TULP3: variants seen among roughly 807,000 people sequenced by gnomAD.
The protein encoded by TULP3 is TUB like protein 3.
A neutral mutation model predicts 50.7 loss-of-function variants in TULP3; 38 were observed. That is an observed-to-expected ratio of 0.75 (90% confidence interval 0.58 to 0.98). The LOEUF is 0.98. Ranked by LOEUF, TULP3 falls within the 50% of genes least tolerant of loss-of-function variation. The pLI is 0.00. For synonymous variants in TULP3, 183 were observed against 196.6 expected (o/e 0.93, Z 0.58); for missense variants, 550 against 568.0 (o/e 0.97, Z 0.32).
intron 1 of TULP3, among the ~76,000 whole-genome samples, chr12:2,894,372 C>T (rs2098174178): frequency 6.6e-6 from 1 of 151,688 alleles, no homozygotes; most frequent in Non-Finnish European, 1.5e-5. Context: ...CCTATCTCTA[C>T]TAAAAATGCA....
intron 2 of TULP3, among the ~76,000 whole-genome samples, chr12:2,913,136 G>T (rs150999306): frequency 6.6e-6 from 1 of 152,024 alleles, no homozygotes; most frequent in African/African-American, 2.4e-5. Context: ...CCATTCTAGT[G>T]GGTGTGAAGT....
intron 6 of TULP3, among the ~76,000 whole-genome samples, chr12:2,933,046 C>T (rs530203486): frequency 2.6e-5 from 4 of 151,946 alleles, no homozygotes; most frequent in African/African-American, 9.7e-5. Context: ...GGGTTCATGC[C>T]ATTCTCCTGC....
chr12:2,906,020 TA>T (rs34833376), intron 1 of TULP3, among the ~76,000 whole-genome samples: 166 of 136,176 alleles, frequency 1.2e-3, no homozygotes, highest in African/African-American at 4.4e-3. Context: ...AGACCCTGTG[TA>T]AAAAAAAAAA....
chr12:2,927,126 A>G (rs1482085811), intron 4 of TULP3, among the ~76,000 whole-genome samples: 3 of 151,804 alleles, frequency 2.0e-5, no homozygotes, highest in Non-Finnish European at 4.4e-5. Context: ...AGAATCATAC[A>G]CTATTTGTCT....
At chr12:2,901,769 A>C (rs1294589439) in intron 1 of TULP3, among the ~76,000 whole-genome samples, 1 of 152,164 alleles carries the variant, frequency 6.6e-6, no homozygotes, top group Non-Finnish European at 1.5e-5. Flanking sequence ...ATGTTTCACA[A>C]ATATTTTCCC....
chr12:2,900,798 CT>C (rs1344288240), intron 1 of TULP3, among the ~76,000 whole-genome samples: 1 of 151,526 alleles, frequency 6.6e-6, no homozygotes, highest in Non-Finnish European at 1.5e-5. Flanking sequence ...ATAGCTCAAC[CT>C]CCTGGGCTCA....
intron 1 of TULP3, among the ~76,000 whole-genome samples, chr12:2,908,119 A>G (rs557035187): frequency 2.9e-4 from 44 of 152,342 alleles, no homozygotes; most frequent in African/African-American, 9.9e-4. Context: ...AGTAAGATGC[A>G]TAGAACCTTC....
chr12:2,912,074 G>C (rs1208536345), intron 2 of TULP3, among the ~76,000 whole-genome samples: 1 of 152,094 alleles, frequency 6.6e-6, no homozygotes, highest in Non-Finnish European at 1.5e-5. Context: ...AATGCAAGCT[G>C]AGCTTTCAAA....
At chr12:2,911,651 C>T (rs1204582713) in intron 2 of TULP3, among the ~76,000 whole-genome samples, 9 of 133,736 alleles carry the variant, frequency 6.7e-5, no homozygotes, top group Middle Eastern at 4.8e-3. Context: ...AGGCGTGAGC[C>T]ACTGCGCCCA....
intron 1 of TULP3, among the ~76,000 whole-genome samples, chr12:2,894,739 C>T (rs1027584230): frequency 1.3e-5 from 2 of 151,948 alleles, no homozygotes; most frequent in Non-Finnish European, 2.9e-5. Flanking sequence ...ACTAAAAATA[C>T]AAAAATTAGC....
intron 4 of TULP3, among the ~76,000 whole-genome samples, chr12:2,924,719 T>G (rs997562084): frequency 1.3e-5 from 2 of 149,376 alleles, no homozygotes; most frequent in Non-Finnish European, 3.0e-5. Flanking sequence ...TTGGGTGGAG[T>G]GGCTCATGCC....
chr12:2,909,304 TTG>T (rs2098184094), intron 1 of TULP3, among the ~76,000 whole-genome samples: 1 of 152,202 alleles, frequency 6.6e-6, no homozygotes, highest in East Asian at 1.9e-4. Context: ...CATCTTTTTC[TTG>T]TCCTTGGAGT....
intron 2 of TULP3, among the ~76,000 whole-genome samples, chr12:2,917,764 C>G (rs1294715059): frequency 6.6e-6 from 1 of 151,440 alleles, no homozygotes; most frequent in Non-Finnish European, 1.5e-5. Flanking sequence ...GTAGTCCCAG[C>G]TCCTCGGGAG....
At chr12:2,899,730 A>G (rs1208666786) in intron 1 of TULP3, among the ~76,000 whole-genome samples, 1 of 151,846 alleles carries the variant, frequency 6.6e-6, no homozygotes, top group Non-Finnish European at 1.5e-5. Flanking sequence ...TGTCTCTACT[A>G]AAAATACAAA....
At chr12:2,911,664 C>A (rs867906785) in intron 2 of TULP3, among the ~76,000 whole-genome samples, 1 of 38,130 alleles carries the variant, frequency 2.6e-5, no homozygotes, top group Non-Finnish European at 5.1e-5. Context: ...TGCGCCCAGC[C>A]TTTTTTTTTT....
intron 2 of TULP3, among the ~76,000 whole-genome samples, chr12:2,912,912 C>G (rs1221270113): frequency 2.0e-5 from 3 of 152,048 alleles, no homozygotes; most frequent in Non-Finnish European, 2.9e-5. Flanking sequence ...CCAGGACATT[C>G]TCCCTGCCTT....
chr12:2,896,488 G>A (rs1158091561), intron 1 of TULP3, among the ~76,000 whole-genome samples: 2 of 152,182 alleles, frequency 1.3e-5, no homozygotes, highest in Non-Finnish European at 2.9e-5. Flanking sequence ...ACACATTCAG[G>A]TAGATTGGGA....
At chr12:2,930,019 A>G (rs1473642098) in intron 4 of TULP3, among the ~76,000 whole-genome samples, 1 of 152,164 alleles carries the variant, frequency 6.6e-6, no homozygotes, top group Non-Finnish European at 1.5e-5. Context: ...CAGAGACTTC[A>G]CACCCATTCA....
chr12:2,900,880 T>G (rs1160319713), intron 1 of TULP3, among the ~76,000 whole-genome samples: 1 of 42,826 alleles, frequency 2.3e-5, no homozygotes, highest in African/African-American at 1.4e-4. Context: ...GAAATACTTT[T>G]TTTTTTTTTT....
Sources: allele counts gnomAD v4.1 joint callset (sites outside exome capture counted in the v4.1 genomes callset), GRCh38; gene constraint gnomAD v4.1.1; transcripts MANE v1.5; gene names NCBI Gene and HGNC (gene_info 2026-07-23, HGNC 2026-07-21).